SCHIP1: variants seen among roughly 807,000 people sequenced by gnomAD.
The protein encoded by SCHIP1 is schwannomin-interacting protein 1.
A neutral mutation model predicts 29.7 loss-of-function variants in SCHIP1; 8 were observed. That is an observed-to-expected ratio of 0.27 (90% CI 0.16 to 0.49). The LOEUF (loss-of-function observed/expected upper bound fraction) is 0.49. SCHIP1 is among the 20% of genes least tolerant of loss of function. SCHIP1 has a pLI of 0.99. For synonymous variants in SCHIP1, 76 were observed against 94.9 expected (o/e 0.80, Z 1.16); for missense variants, 193 against 294.6 (o/e 0.66, Z 2.52).
At chr3:159,609,371 T>A in the SCHIP1 span, among the ~76,000 whole-genome samples, 2 of 151,870 alleles carry the variant, frequency 1.3e-5, no homozygotes, top group Non-Finnish European at 2.9e-5. Context: ...AAAAGTGAAA[T>A]AAAGTTAGAA....
chr3:159,621,595 CT>C, the SCHIP1 span, among the ~76,000 whole-genome samples: 1 of 151,804 alleles, frequency 6.6e-6, no homozygotes, highest in Non-Finnish European at 1.5e-5. Context: ...ATATATGCTT[CT>C]TTTTTTAAAG....
At chr3:159,354,983 T>C in the SCHIP1 span, among the ~76,000 whole-genome samples, 1 of 152,178 alleles carries the variant, frequency 6.6e-6, no homozygotes, top group Non-Finnish European at 1.5e-5. Context: ...TCTGAATCCA[T>C]TGCCTCCCAT....
At chr3:159,553,996 G>T in the SCHIP1 span, among the ~76,000 whole-genome samples, 1 of 124,270 alleles carries the variant, frequency 8.0e-6, no homozygotes, top group East Asian at 2.6e-4. Flanking sequence ...GTGTGTGTGT[G>T]TGTGTGTGTG....
At chr3:159,352,592 T>C in the SCHIP1 span, among the ~76,000 whole-genome samples, 52 of 152,278 alleles carry the variant, frequency 3.4e-4, no homozygotes, top group South Asian at 9.1e-3. Context: ...AATTTTATTA[T>C]GTAGACTTGT....
chr3:159,425,704 T>C, the SCHIP1 span, among the ~76,000 whole-genome samples: 1 of 152,212 alleles, frequency 6.6e-6, no homozygotes, highest in African/African-American at 2.4e-5. Context: ...AATAGACATC[T>C]ACAGAACTCT....
the SCHIP1 span, among the ~76,000 whole-genome samples, chr3:159,704,325 C>G: frequency 1.3e-5 from 2 of 149,830 alleles, no homozygotes; most frequent in African/African-American, 2.5e-5. Context: ...GTCCCAGCTA[C>G]TCGGGAGGCT....
chr3:159,630,779 G>T, the SCHIP1 span, among the ~76,000 whole-genome samples: 1 of 152,122 alleles, frequency 6.6e-6, no homozygotes, highest in African/African-American at 2.4e-5. Context: ...TACACTGCTT[G>T]GGCGATGGGT....
the SCHIP1 span, among the ~76,000 whole-genome samples, chr3:159,748,417 A>C: frequency 0.43 from 65,127 of 152,106 alleles, 15,027 homozygotes; most frequent in Middle Eastern, 0.55. Context: ...TTCAAAGAAA[A>C]GAATTATATA....
the SCHIP1 span, among the ~76,000 whole-genome samples, chr3:159,778,024 AC>A: frequency 6.6e-6 from 1 of 151,848 alleles, no homozygotes; most frequent in Non-Finnish European, 1.5e-5. Flanking sequence ...TCGCTCTGTC[AC>A]CCAGGCTGGA....
At chr3:159,705,700 T>TTTTG in the SCHIP1 span, among the ~76,000 whole-genome samples, 24,285 of 151,586 alleles carry the variant, frequency 0.16, 2,073 homozygotes, top group Middle Eastern at 0.24. Flanking sequence ...AGGATATGAC[T>TTTTG]TTTGTTTGTT....
At chr3:159,713,222 G>GAGAGAGAGAAAGGA in the SCHIP1 span, among the ~76,000 whole-genome samples, 7 of 100,902 alleles carry the variant, frequency 6.9e-5, no homozygotes, top group African/African-American at 2.9e-4. Context: ...GAGAGAGAGA[G>GAGAGAGAGAAAGGA]AGAAAGAAAG....
chr3:159,635,807 T>C, the SCHIP1 span, among the ~76,000 whole-genome samples: 1 of 152,230 alleles, frequency 6.6e-6, no homozygotes, highest in Non-Finnish European at 1.5e-5. Context: ...CAAATGCAGT[T>C]CTTTGTGAGG....
chr3:159,792,584 T>C, the SCHIP1 span, among the ~76,000 whole-genome samples: 7 of 152,264 alleles, frequency 4.6e-5, no homozygotes, highest in Admixed American at 2.0e-4. Context: ...TGTATTTCAT[T>C]CACACAATTA....
At chr3:159,721,753 T>C in the SCHIP1 span, 2 of 447,828 alleles carry the variant, frequency 4.5e-6, no homozygotes, top group Non-Finnish European at 8.8e-6. Flanking sequence ...GAAGGACGTC[T>C]CACTGTCTTT....
At chr3:159,880,212 C>T (rs916051533) in intron 2 of SCHIP1, among the ~76,000 whole-genome samples, 1 of 152,126 alleles carries the variant, frequency 6.6e-6, no homozygotes, top group Non-Finnish European at 1.5e-5. Context: ...TTGGAAACTA[C>T]CCATAACTTC....
At chr3:159,293,207 A>G in the SCHIP1 span, among the ~76,000 whole-genome samples, 1 of 152,236 alleles carries the variant, frequency 6.6e-6, no homozygotes, top group Non-Finnish European at 1.5e-5. Context: ...TGCTAGAACA[A>G]AATTCTAGCA....
chr3:159,371,872 T>C, the SCHIP1 span, among the ~76,000 whole-genome samples: 2 of 152,280 alleles, frequency 1.3e-5, no homozygotes, highest in Non-Finnish European at 2.9e-5. Context: ...TTTAAAAATG[T>C]ATTTTTGACT....
the SCHIP1 span, among the ~76,000 whole-genome samples, chr3:159,363,506 A>G: frequency 0.011 from 1,703 of 152,294 alleles, 18 homozygotes; most frequent in South Asian, 0.033. Flanking sequence ...TTGAATAAAT[A>G]TGATAGCCAT....
chr3:159,464,966 T>C, the SCHIP1 span, among the ~76,000 whole-genome samples: 5 of 152,152 alleles, frequency 3.3e-5, no homozygotes, highest in Admixed American at 1.3e-4. Context: ...CTCGTTCTCA[T>C]GTCAGAAAGA....
Sources: gnomAD v4.1 joint callset for allele counts (sites outside exome capture counted in the v4.1 genomes callset) on GRCh38, gnomAD v4.1.1 for gene constraint, MANE v1.5 for transcripts, NCBI Gene and HGNC (gene_info 2026-07-23, HGNC 2026-07-21) for gene names.